ANO3: variants seen among roughly 807,000 people sequenced by gnomAD.
ANO3 encodes anoctamin-3.
A neutral mutation model predicts 144.8 loss-of-function variants in ANO3; 99 were observed. The ratio of observed to expected loss-of-function variants is 0.68; its 90% confidence interval spans 0.58 to 0.81. ANO3 has a LOEUF of 0.81. Ranked by LOEUF, ANO3 falls within the 30% of genes least tolerant of loss-of-function variation. The pLI, the probability that ANO3 is intolerant of heterozygous loss-of-function variation, is 0.00. For missense variants in ANO3, 905 were observed against 1,202.2 expected (o/e 0.75, Z 3.66); for synonymous variants, 414 against 392.6 (o/e 1.05, Z -0.64).
chr11:26,338,782 C>G (rs962421508), intron 1 of ANO3, among the ~76,000 whole-genome samples: 1 of 151,998 alleles, frequency 6.6e-6, no homozygotes, highest in Non-Finnish European at 1.5e-5. Context: ...CTCCTGAAGT[C>G]AGTGAGACCA....
At chr11:26,398,146 G>A (rs1453193962) in intron 1 of ANO3, among the ~76,000 whole-genome samples, 1 of 152,070 alleles carries the variant, frequency 6.6e-6, no homozygotes, top group Non-Finnish European at 1.5e-5. Flanking sequence ...ACAATGCCAG[G>A]TGGCAGCTCA....
chr11:26,522,037 A>G (rs1047822134), intron 6 of ANO3, among the ~76,000 whole-genome samples: 4 of 152,154 alleles, frequency 2.6e-5, no homozygotes, highest in African/African-American at 7.2e-5. Flanking sequence ...ACAAAAAATT[A>G]GCCGGGGGTA....
intron 1 of ANO3, among the ~76,000 whole-genome samples, chr11:26,324,454 G>A (rs1001964956): frequency 2.6e-5 from 4 of 152,154 alleles, no homozygotes; most frequent in African/African-American, 9.7e-5. Flanking sequence ...TTAAGGAAAT[G>A]TCTATCAAAT....
chr11:26,541,478 G>C (rs1217667630), intron 10 of ANO3, among the ~76,000 whole-genome samples: 1 of 151,950 alleles, frequency 6.6e-6, no homozygotes, highest in African/African-American at 2.4e-5. Flanking sequence ...ACTAGCACTG[G>C]TGGCTGAGGC....
chr11:26,483,568 A>C (rs1402259796), intron 4 of ANO3, among the ~76,000 whole-genome samples: 1 of 152,120 alleles, frequency 6.6e-6, no homozygotes, highest in Non-Finnish European at 1.5e-5. Flanking sequence ...CCATGATTGT[A>C]AGTTTTCTGA....
chr11:26,454,867 T>C (rs1859090366), intron 3 of ANO3, among the ~76,000 whole-genome samples: 1 of 151,004 alleles, frequency 6.6e-6, no homozygotes, highest in Non-Finnish European at 1.5e-5. Context: ...TCAAAAAGCT[T>C]ATCCACCATG....
intron 23 of ANO3, among the ~76,000 whole-genome samples, chr11:26,643,735 A>G (rs866801579): frequency 8.5e-5 from 13 of 152,348 alleles, no homozygotes; most frequent in Middle Eastern, 6.8e-3. Flanking sequence ...TCAAAAAAAA[A>G]AAGAAGTGAT....
intron 12 of ANO3, among the ~76,000 whole-genome samples, chr11:26,550,496 C>T (rs1849905563): frequency 1.3e-5 from 2 of 151,886 alleles, no homozygotes. Flanking sequence ...ATTTTATATA[C>T]CTCATATAAG....
intron 3 of ANO3, among the ~76,000 whole-genome samples, chr11:26,445,894 C>T (rs572660054): frequency 1.3e-5 from 2 of 152,008 alleles, no homozygotes; most frequent in African/African-American, 4.8e-5. Flanking sequence ...TGCAGTGGTG[C>T]GATCTCAGCT....
chr11:26,549,523 C>A (rs1374442702), intron 12 of ANO3, among the ~76,000 whole-genome samples: 1 of 151,800 alleles, frequency 6.6e-6, no homozygotes, highest in Non-Finnish European at 1.5e-5. Context: ...GAAAAATGTT[C>A]CAAAGATGCA....
chr11:26,653,516 CAT>C (rs373970257), intron 24 of ANO3, among the ~76,000 whole-genome samples: 54 of 152,192 alleles, frequency 3.5e-4, no homozygotes, highest in African/African-American at 1.3e-3. Flanking sequence ...TCATGTAATT[CAT>C]GTGCTCAAAA....
At chr11:26,238,301 T>C (rs1852578820) in intron 1 of ANO3, among the ~76,000 whole-genome samples, 1 of 152,174 alleles carries the variant, frequency 6.6e-6, no homozygotes, top group Non-Finnish European at 1.5e-5. Context: ...TAAGAATCTC[T>C]TAAATGTAGA....
intron 21 of ANO3, 86 bp from the exon 22 acceptor site, chr11:26,641,810 T>G: frequency 7.5e-7 from 1 of 1,334,362 alleles, no homozygotes; most frequent in Non-Finnish European, 9.8e-7. Context: ...CTGGAATTGG[T>G]TTTACTCATT....
chr11:26,353,898 A>G (rs1048322007), intron 1 of ANO3, among the ~76,000 whole-genome samples: 5 of 152,216 alleles, frequency 3.3e-5, no homozygotes, highest in Admixed American at 3.3e-4. Flanking sequence ...TGTCACTACC[A>G]ATTTTAACAA....
chr11:26,239,320 G>T (rs1453238058), intron 1 of ANO3, among the ~76,000 whole-genome samples: 1 of 152,012 alleles, frequency 6.6e-6, no homozygotes, highest in African/African-American at 2.4e-5. Context: ...CTGCTTCATC[G>T]CATTGGAGAA....
intron 1 of ANO3, among the ~76,000 whole-genome samples, chr11:26,240,096 A>C (rs1852629754): frequency 6.6e-6 from 1 of 152,208 alleles, no homozygotes; most frequent in Non-Finnish European, 1.5e-5. Flanking sequence ...TCCGTGTCAC[A>C]TAATTTTTCA....
At chr11:26,204,460 C>T (rs980363948) in intron 1 of ANO3, among the ~76,000 whole-genome samples, 3 of 152,190 alleles carry the variant, frequency 2.0e-5, no homozygotes, top group South Asian at 2.1e-4. Context: ...AAAAAGTAGG[C>T]GTGGATATCT....
chr11:26,561,863 G>T (rs565199840), intron 14 of ANO3, among the ~76,000 whole-genome samples: 81 of 151,936 alleles, frequency 5.3e-4, no homozygotes, highest in African/African-American at 1.7e-3. Context: ...CATGCTCTTG[G>T]TATCTTAAAG....
At position 26,385,903 on chromosome 11, in the gene ANO3, T is replaced by TATATATA. The variant is rs58078292; in HGVS notation, c.46+53582_46+53583insATATATA. Among the ~76,000 whole-genome samples, 708 of 148,854 alleles carry TATATATA rather than the reference T, an allele frequency of 4.8e-3. 13 individuals are homozygous for TATATATA. The highest frequency in any genetic ancestry group is 0.016 in the African/African-American group (648 of 39,590). On this transcript the variant is annotated intron_variant, in intron 1 of 26. Coordinates refer to ENST00000256737, the MANE Select transcript of ANO3 (RefSeq NM_031418.4). Reference sequence around the variant, plus strand: ...AAGTTCTTTGTGTGTGTATATATATTTATATACATATTTACATGTATAAGC... The same window carrying TATATATA: ...AAGTTCTTTGTGTGTGTATATATATTATATATATATATACATATTTACATGTATAAGC...
Sources: gnomAD v4.1 joint callset for allele counts (sites outside exome capture counted in the v4.1 genomes callset) on GRCh38, gnomAD v4.1.1 for gene constraint, MANE v1.5 for transcripts, NCBI Gene and HGNC (gene_info 2026-07-23, HGNC 2026-07-21) for gene names.